The following NYAP2 variants were observed in gnomAD, a reference collection of about 807,000 sequenced individuals.
NYAP2 encodes the protein neuronal tyrosine-phosphorylated phosphoinositide-3-kinase adapter 2.
NYAP2 carries 23 observed loss-of-function variants against 50.4 expected under a neutral mutation model. The ratio of observed to expected loss-of-function variants is 0.46; its 90% CI spans 0.33 to 0.65. The LOEUF is 0.65. Ranked by LOEUF, NYAP2 falls within the 30% of genes least tolerant of loss-of-function variation. The probability of loss-of-function intolerance (pLI) is 0.02; values close to 1 mark genes in which losing one functional copy is unlikely to be tolerated. For synonymous variants in NYAP2, 394 were observed against 365.2 expected (o/e 1.08, Z -0.90); for missense variants, 885 against 861.0 (o/e 1.03, Z -0.35).
chr2:225,524,154 A>C (rs903501964), intron 4 of NYAP2, among the ~76,000 whole-genome samples: 24 of 152,326 alleles, frequency 1.6e-4, no homozygotes, highest in African/African-American at 5.1e-4. Context: ...CTGAGGTTCA[A>C]GGAAGCTAGT....
At chr2:225,401,560 T>A (rs1216085905) in intron 2 of NYAP2, among the ~76,000 whole-genome samples, 2 of 152,018 alleles carry the variant, frequency 1.3e-5, no homozygotes, top group African/African-American at 4.8e-5. Context: ...GACATAAACC[T>A]CTTTGAGAAA....
chr2:225,478,529 G>A (rs1690155472), intron 3 of NYAP2, among the ~76,000 whole-genome samples: 1 of 152,118 alleles, frequency 6.6e-6, no homozygotes, highest in Non-Finnish European at 1.5e-5. Context: ...CTACCTTTTT[G>A]TCTTGGACCA....
chr2:225,683,653 A>C, the NYAP2 span, among the ~76,000 whole-genome samples: 4 of 152,154 alleles, frequency 2.6e-5, no homozygotes, highest in Admixed American at 6.5e-5. Flanking sequence ...TAGATGGGCC[A>C]TGCCACCTCA....
exon 7 of NYAP2, chr2:225,653,986 T>G (rs1693782196): frequency 7.0e-6 from 1 of 143,570 alleles, no homozygotes; most frequent in Non-Finnish European, 1.5e-5. Context: ...ACCACTGCAC[T>G]CCAGCCTGGG....
chr2:225,698,014 A>AT, the NYAP2 span, among the ~76,000 whole-genome samples: 2 of 151,502 alleles, frequency 1.3e-5, no homozygotes, highest in Non-Finnish European at 1.5e-5. Flanking sequence ...CTCTACCAAA[A>AT]TTTTTTTTAA....
intron 5 of NYAP2, among the ~76,000 whole-genome samples, chr2:225,592,619 A>G (rs2106236523): frequency 6.6e-6 from 1 of 152,310 alleles, no homozygotes; most frequent in East Asian, 1.9e-4. Context: ...CTTGATTTTG[A>G]AAATTCGTGT....
chr2:225,477,394 G>T (rs1399588971), intron 3 of NYAP2, among the ~76,000 whole-genome samples: 1 of 151,778 alleles, frequency 6.6e-6, no homozygotes, highest in Non-Finnish European at 1.5e-5. Context: ...CCGCCACCAC[G>T]CCTGGCTAAT....
chr2:225,406,252 C>T (rs1042658200), intron 2 of NYAP2, among the ~76,000 whole-genome samples: 2 of 151,816 alleles, frequency 1.3e-5, no homozygotes, highest in Non-Finnish European at 2.9e-5. Context: ...CTCACAGCCT[C>T]CTCAATATTA....
intron 4 of NYAP2, among the ~76,000 whole-genome samples, chr2:225,546,661 G>T (rs1691590362): frequency 6.6e-6 from 1 of 152,024 alleles, no homozygotes; most frequent in African/African-American, 2.4e-5. Context: ...GACCCCAGTG[G>T]TTCACTTGGT....
chr2:225,513,676 A>T lies in NYAP2; in HGVS notation c.523+4A>T. On this transcript the variant is annotated splice_donor_region_variant and intron_variant, in intron 4 of 6. Transcript: ENST00000636099. Reference sequence around the variant, plus strand: ...AAAACCCCTGAGAGGACTGAAGGTAAAACACGCCATGTCCATGTCACCTAG... The same window carrying T: ...AAAACCCCTGAGAGGACTGAAGGTATAACACGCCATGTCCATGTCACCTAG... The T allele has an allele frequency of 6.7e-7, 1 of 1,498,952 alleles. No homozygotes were observed. Among genetic ancestry groups the T allele is most frequent in the Non-Finnish European group, 8.9e-7 (1 of 1,124,700 alleles). The allele number at this position is 1,498,952 out of a possible 1,614,324, so 92.9% of individuals were successfully genotyped here. A position where few individuals can be genotyped will look rare whatever the true frequency, so the allele number is the denominator to read the frequency against.
At chr2:225,700,670 A>T in the NYAP2 span, 1 of 151,790 alleles carries the variant, frequency 6.6e-6, no homozygotes, top group Non-Finnish European at 1.5e-5. Flanking sequence ...CAAGATACTA[A>T]TTCTCAGCAT....
At position 225,582,413 on chromosome 2, in the gene NYAP2, C is replaced by T. The variant is rs555988388; in HGVS notation, c.996C>T (p.His332=). The change falls in exon 5 of 7, where the codon CAC becomes CAT. Residue 332 remains histidine, a synonymous_variant. Transcript: ENST00000636099. The surrounding 1 kb of genome is among the most constrained non-coding windows in gnomAD (Gnocchi z 7.0). ...CGCCCTTCCCCAACCTGCTTTCTCA[C>T]AGACCCCCGCTGCTGGTATTTCCCC... is the stretch of plus-strand genomic sequence containing the variant. 8 of 1,602,044 alleles carry T rather than the reference C, an allele frequency of 5.0e-6. No homozygotes were observed. In the South Asian group the frequency reaches 8.9e-5, roughly 18 times the overall value.
intron 5 of NYAP2, among the ~76,000 whole-genome samples, chr2:225,617,274 A>T (rs1693005263): frequency 6.6e-6 from 1 of 152,076 alleles, no homozygotes. Flanking sequence ...TAAAAAAATA[A>T]ATTAAAAAGC....
intron 5 of NYAP2, among the ~76,000 whole-genome samples, chr2:225,616,527 T>G (rs1692995059): frequency 6.6e-6 from 1 of 152,188 alleles, no homozygotes; most frequent in African/African-American, 2.4e-5. Context: ...TGATATTCAA[T>G]TAGAATACAG....
intron 5 of NYAP2, among the ~76,000 whole-genome samples, chr2:225,598,573 T>C (rs369345299): frequency 6.6e-6 from 1 of 152,092 alleles, no homozygotes; most frequent in Non-Finnish European, 1.5e-5. Context: ...ATTTGAAAAA[T>C]GGAATGTCAG....
intron 3 of NYAP2, among the ~76,000 whole-genome samples, chr2:225,467,890 A>C (rs1289309971): frequency 6.6e-6 from 1 of 152,158 alleles, no homozygotes; most frequent in South Asian, 2.1e-4. Flanking sequence ...CATGCTGGCC[A>C]CTACTCCAAG....
intron 3 of NYAP2, among the ~76,000 whole-genome samples, chr2:225,460,886 G>C (rs537340311): frequency 4.0e-5 from 6 of 151,624 alleles, no homozygotes; most frequent in Admixed American, 2.6e-4. Flanking sequence ...CCAGCTACTC[G>C]GGAGGCTGAC....
intron 3 of NYAP2, among the ~76,000 whole-genome samples, chr2:225,453,232 T>C (rs1032300324): frequency 6.6e-6 from 1 of 152,186 alleles, no homozygotes; most frequent in Non-Finnish European, 1.5e-5. Context: ...GTAAAGGCCA[T>C]TCAAACACTG....
intron 3 of NYAP2, among the ~76,000 whole-genome samples, chr2:225,432,598 G>T (rs921181355): frequency 1.3e-5 from 2 of 152,012 alleles, no homozygotes; most frequent in African/African-American, 4.8e-5. Flanking sequence ...CATCTTGAGA[G>T]CTGGAGTTAT....
Sources: allele counts gnomAD v4.1 joint callset (sites outside exome capture counted in the v4.1 genomes callset), GRCh38; gene constraint gnomAD v4.1.1; non-coding constraint Gnocchi (gnomAD v3.1); transcripts MANE v1.5; gene names NCBI Gene and HGNC (gene_info 2026-07-23, HGNC 2026-07-21).